Variants in PDE10A observed in about 807,000 individuals in gnomAD.
PDE10A encodes phosphodiesterase 10A.
Under a neutral mutation model 97.7 loss-of-function variants are expected in PDE10A, and 39 were observed. The ratio of observed to expected loss-of-function variants is 0.40; its 90% confidence interval spans 0.31 to 0.52. PDE10A has a LOEUF of 0.52. PDE10A is among the 20% of genes least tolerant of loss of function. PDE10A has a pLI of 0.56. For missense variants in PDE10A, 731 were observed against 1,047.8 expected (o/e 0.70, Z 4.17); for synonymous variants, 371 against 376.8 (o/e 0.98, Z 0.18).
At chr6:165,841,122 C>T (rs1488654429) in intron 1 of PDE10A, among the ~76,000 whole-genome samples, 4 of 152,184 alleles carry the variant, frequency 2.6e-5, no homozygotes. Flanking sequence ...TTTGAATGGT[C>T]GTCTCTTCAA....
At chr6:165,765,975 C>T (rs577253619) in intron 1 of PDE10A, among the ~76,000 whole-genome samples, 8 of 152,292 alleles carry the variant, frequency 5.3e-5, no homozygotes, top group African/African-American at 1.9e-4. Flanking sequence ...TGCTTTATTT[C>T]CCCCCTAAAA....
At chr6:165,909,741 T>C (rs905008070) in intron 1 of PDE10A, among the ~76,000 whole-genome samples, 2 of 152,176 alleles carry the variant, frequency 1.3e-5, no homozygotes, top group African/African-American at 4.8e-5. Context: ...GCTTCTCACT[T>C]AGCTCAGAGC....
intron 1 of PDE10A, among the ~76,000 whole-genome samples, chr6:165,796,091 CTTTTTTT>C (rs1168771487): frequency 1.8e-5 from 2 of 108,814 alleles, no homozygotes; most frequent in African/African-American, 7.2e-5. Context: ...TTTTTCTTTT[CTTTTTTT>C]TTTTTTTTTT....
intron 1 of PDE10A, among the ~76,000 whole-genome samples, chr6:165,929,954 T>C (rs1783074127): frequency 6.6e-6 from 1 of 151,254 alleles, no homozygotes; most frequent in Admixed American, 6.6e-5. Flanking sequence ...TGCTCCCTAA[T>C]GACCAGGCAA....
At chr6:165,660,179 G>C (rs916599820) in intron 1 of PDE10A, 1 of 152,462 alleles carries the variant, frequency 6.6e-6, no homozygotes, top group Non-Finnish European at 1.5e-5. Context: ...CCAACACCCC[G>C]GGAGAGCTGG....
At chr6:165,375,043 T>C (rs1319249216) in intron 18 of PDE10A, among the ~76,000 whole-genome samples, 1 of 152,174 alleles carries the variant, frequency 6.6e-6, no homozygotes, top group Admixed American at 6.6e-5. Flanking sequence ...CTCCACCAAC[T>C]GGCTGTTCCC....
In PDE10A at chr6:165,395,029, T is replaced by C. The variant is rs1006283249; in HGVS notation, c.2303+152A>G. The C allele has an allele frequency of 1.5e-5, 8 of 526,266 alleles. No individual in the cohort carries two copies. The African/African-American group carries it at 1.6e-4, about 10-fold the overall frequency. The allele number at this position is 526,266 out of a possible 1,614,324, so 32.6% of individuals were successfully genotyped here. A position where few individuals can be genotyped will look rare whatever the true frequency, so the allele number is the denominator to read the frequency against. On this transcript the variant is annotated intron_variant, in intron 15 of 21. Transcript: ENST00000539869. ...ATATTTGTATAATAATCTCAGCCCT[T>C]TTTTATTGGAATATTTAGGAAAAAA...
chr6:165,680,423 G>A (rs1333865737), intron 1 of PDE10A, among the ~76,000 whole-genome samples: 3 of 152,180 alleles, frequency 2.0e-5, no homozygotes, highest in Non-Finnish European at 2.9e-5. Flanking sequence ...ACAATCGGAG[G>A]TACTTTCTCT....
intron 19 of PDE10A, among the ~76,000 whole-genome samples, chr6:165,342,886 G>C (rs1202423663): frequency 6.6e-6 from 1 of 152,166 alleles, no homozygotes; most frequent in East Asian, 1.9e-4. Context: ...TGTTGTTTCA[G>C]GAGTATTATG....
chr6:165,429,763 A>G (rs570415110), intron 9 of PDE10A, among the ~76,000 whole-genome samples: 2 of 152,196 alleles, frequency 1.3e-5, no homozygotes, highest in East Asian at 3.9e-4. Flanking sequence ...GATTTAATAA[A>G]TATCTATTAT....
intron 1 of PDE10A, among the ~76,000 whole-genome samples, chr6:165,936,866 C>G (rs1421035309): frequency 6.6e-6 from 1 of 152,180 alleles, no homozygotes; most frequent in Non-Finnish European, 1.5e-5. Flanking sequence ...GATCATCTCC[C>G]ATCAGTCCTT....
intron 18 of PDE10A, among the ~76,000 whole-genome samples, chr6:165,373,433 C>G (rs2128203687): frequency 1.3e-5 from 2 of 152,298 alleles, no homozygotes; most frequent in East Asian, 3.9e-4. Context: ...TATGAACGGA[C>G]ACTTCTCAAA....
At position 165,663,160 on chromosome 6, in the gene PDE10A, T is replaced by C. The variant is rs1790381013; in HGVS notation, c.-349A>G. On this transcript the variant is annotated 5_prime_UTR_variant, in exon 1 of 22. Transcript: ENST00000539869. The stretch of plus-strand genomic sequence containing the variant: ...GCTCCGGCGGCTGAGCCTCGGCGGC[T>C]TCTCGAAAGCAGCGGAGAAAAGCGC... Among the ~76,000 whole-genome samples, 3 of 151,854 alleles carry C rather than the reference T, an allele frequency of 2.0e-5. No homozygotes were observed. Among genetic ancestry groups the C allele is most frequent in the African/African-American group, 7.2e-5 (3 of 41,384 alleles).
intron 1 of PDE10A, among the ~76,000 whole-genome samples, chr6:165,865,779 A>G (rs1781026152): frequency 6.6e-6 from 1 of 152,142 alleles, no homozygotes; most frequent in South Asian, 2.1e-4. Context: ...TCTATGTGCT[A>G]TATGGGACAC....
At chr6:165,893,210 A>T (rs1164885967) in intron 1 of PDE10A, among the ~76,000 whole-genome samples, 1 of 152,268 alleles carries the variant, frequency 6.6e-6, no homozygotes, top group Non-Finnish European at 1.5e-5. Flanking sequence ...TATCAAAATC[A>T]GGAAATAAGC....
intron 5 of PDE10A, among the ~76,000 whole-genome samples, chr6:165,441,234 C>A (rs907345982): frequency 1.3e-5 from 2 of 152,276 alleles, no homozygotes; most frequent in East Asian, 1.9e-4. Context: ...TGTGCTGCAG[C>A]CCCATCGAAT....
chr6:165,958,752 A>AGAAAGAAT (rs1784265972), intron 1 of PDE10A, among the ~76,000 whole-genome samples: 1 of 150,786 alleles, frequency 6.6e-6, no homozygotes, highest in African/African-American at 2.5e-5. Context: ...AGAAAGAGAA[A>AGAAAGAAT]GAAAGAAAGA....
At chr6:165,731,937 C>A (rs1053485023) in intron 1 of PDE10A, among the ~76,000 whole-genome samples, 1 of 152,202 alleles carries the variant, frequency 6.6e-6, no homozygotes, top group African/African-American at 2.4e-5. Flanking sequence ...TTTTGTGAAA[C>A]TCACAAAATT....
chr6:165,646,135 G>C (rs139274162), intron 1 of PDE10A, among the ~76,000 whole-genome samples: 1 of 152,176 alleles, frequency 6.6e-6, no homozygotes, highest in Non-Finnish European at 1.5e-5. Context: ...GAGGGCAAAG[G>C]CCTCACTGCA....
Sources: gnomAD v4.1 joint callset for allele counts (sites outside exome capture counted in the v4.1 genomes callset) on GRCh38, gnomAD v4.1.1 for gene constraint, MANE v1.5 for transcripts, NCBI Gene and HGNC (gene_info 2026-07-23, HGNC 2026-07-21) for gene names.